Variants in UGCG observed in about 807,000 individuals in gnomAD.
UGCG encodes the protein UDP-glucose ceramide glucosyltransferase.
Under a neutral mutation model 49.5 loss-of-function variants are expected in UGCG, and 10 were observed. That is an observed-to-expected ratio of 0.20 (90% CI 0.12 to 0.34). The LOEUF is 0.34. Among genes scored for constraint, UGCG ranks in the 10% least tolerant of loss-of-function variants. The pLI is 1.00. For missense variants in UGCG, 312 were observed against 483.7 expected (o/e 0.65, Z 3.33); for synonymous variants, 182 against 158.2 (o/e 1.15, Z -1.13).
At chr9:111,928,034 AATGTT>A (rs113587783) in intron 5 of UGCG, among the ~76,000 whole-genome samples, 18,876 of 152,034 alleles carry the variant, frequency 0.12, 1,223 homozygotes, top group South Asian at 0.17. Context: ...AATTTGTTGT[AATGTT>A]ATAAGGACAG....
rs779327849 is a variant in UGCG at position 111,897,170 on chromosome 9, C to G, written c.-46C>G. ...GTCCTCCTCCTGCGGGAGCGTTGTC[C>G]GTGTTGGCGGCCGCAGCGGGCCGGG... On this transcript the variant is annotated 5_prime_UTR_variant, in exon 1 of 9. Transcript: ENST00000374279. 2.6e-6 allele frequency: 4 copies of G among 1,510,536 alleles called. No individual in the cohort carries two copies. The highest frequency in any genetic ancestry group is 2.7e-6 in the Non-Finnish European group (3 of 1,124,194). 93.6% of individuals were successfully genotyped at this position (1,510,536 alleles called of 1,614,324 possible).
chr9:111,918,912 G>A lies in UGCG; in HGVS notation c.241-3937G>A, dbSNP rs530637500. 2.2e-5 allele frequency among the ~76,000 whole-genome samples: 3 copies of A among 135,798 alleles called. No homozygotes were observed. The East Asian group carries it at 6.4e-4, about 29-fold the overall frequency. 89.1% of individuals were successfully genotyped at this position (135,798 alleles called of 152,430 possible). On this transcript the variant is annotated intron_variant, in intron 2 of 8. Transcript: ENST00000374279. ...AGCACTCCCGCCTGGGCGACAGAACGAGACTCCGTCTCAAAAAAAAAAAAC... is the reference window on the plus strand; with the variant it reads ...AGCACTCCCGCCTGGGCGACAGAACAAGACTCCGTCTCAAAAAAAAAAAAC...
At chr9:111,897,453 T>G in intron 1 of UGCG, 140 bp downstream of exon 1, 26 of 640,552 alleles carry the variant, frequency 4.1e-5, no homozygotes, top group East Asian at 6.5e-5. Flanking sequence ...GTTCCCCCCG[T>G]TCCCTCGCCC....
intron 1 of UGCG, among the ~76,000 whole-genome samples, chr9:111,902,519 T>A (rs994059145): frequency 6.6e-6 from 1 of 152,216 alleles, no homozygotes; most frequent in African/African-American, 2.4e-5. Flanking sequence ...ATAACAAAGG[T>A]CATTAGTCAC....
rs188652818 is a variant in UGCG, at chr9:111,900,359, G to A, written c.98+3046G>A. Among the ~76,000 whole-genome samples the A allele has an allele frequency of 4.6e-4, 70 of 152,096 alleles. 1 individual carries two copies. Among genetic ancestry groups the A allele is most frequent in the South Asian group, 2.3e-3 (11 of 4,822 alleles). ...CATAAGGTCCTAATGTTTATCATCA[G>A]GCTTTATCTTTCGACTGGAGGTGCT... On this transcript the variant is annotated intron_variant, in intron 1 of 8. Transcript: ENST00000374279.
intron 1 of UGCG, among the ~76,000 whole-genome samples, chr9:111,912,919 G>T (rs1012371789): frequency 3.9e-5 from 6 of 152,140 alleles, no homozygotes; most frequent in Non-Finnish European, 7.3e-5. Flanking sequence ...GTGTGCACGT[G>T]TGTGTAAAAC....
intron 2 of UGCG, among the ~76,000 whole-genome samples, chr9:111,922,058 C>T (rs1838231649): frequency 6.6e-6 from 1 of 151,616 alleles, no homozygotes; most frequent in Non-Finnish European, 1.5e-5. Flanking sequence ...AGCAGTCTTC[C>T]CACCTTGACC....
intron 1 of UGCG, among the ~76,000 whole-genome samples, chr9:111,902,782 C>CTT (rs532533671): frequency 0.11 from 15,718 of 145,894 alleles, 1,346 homozygotes; most frequent in African/African-American, 0.23. Context: ...GAAATTCTCT[C>CTT]TTTTTTTTTT....
At chr9:111,911,907 TA>T (rs1242312512) in intron 1 of UGCG, among the ~76,000 whole-genome samples, 1 of 3,710 alleles carries the variant, frequency 2.7e-4, no homozygotes, top group African/African-American at 5.7e-4. Flanking sequence ...TTCAACAGGA[TA>T]TATATATATA....
intron 1 of UGCG, among the ~76,000 whole-genome samples, chr9:111,903,180 C>A (rs1837811025): frequency 1.3e-5 from 2 of 152,122 alleles, no homozygotes; most frequent in Non-Finnish European, 2.9e-5. Context: ...CCTTGTTTAA[C>A]CTTTACCTGT....
At position 111,934,723 on chromosome 9, in the gene UGCG, C is replaced by CTTTTTTTTTTT. The variant is rs5899973; in HGVS notation, c.*1731_*1741dup. On this transcript the variant is annotated 3_prime_UTR_variant, in exon 9 of 9. Coordinates refer to ENST00000374279, the MANE Select transcript of UGCG (RefSeq NM_003358.3). ...CAAACTGCTTCATCCTTTTTTCTTT[C>CTTTTTTTTTTT]TTTTTTTTTTTTTTTAGCCTTATGA... 1.5e-5 allele frequency: 2 copies of CTTTTTTTTTTT among 133,592 alleles called. No individual in the cohort carries two copies. The highest frequency in any genetic ancestry group is 2.9e-5 in the African/African-American group (1 of 34,416). The allele number at this position is 133,592 out of a possible 1,614,324, so 8.3% of individuals were successfully genotyped here.
intron 2 of UGCG, among the ~76,000 whole-genome samples, chr9:111,918,213 T>C (rs1351791855): frequency 6.6e-6 from 1 of 152,138 alleles, no homozygotes; most frequent in Non-Finnish European, 1.5e-5. Context: ...GGCTAATTTT[T>C]ATATTTTTAG....
chr9:111,926,961 T>C (rs1353571385), intron 5 of UGCG, among the ~76,000 whole-genome samples: 3 of 135,938 alleles, frequency 2.2e-5, no homozygotes, highest in Non-Finnish European at 3.1e-5. Flanking sequence ...CAACCTCCAC[T>C]TCCCAGGTTC....
chr9:111,912,560 A>C (rs1838032024), intron 1 of UGCG, among the ~76,000 whole-genome samples: 1 of 152,010 alleles, frequency 6.6e-6, no homozygotes, highest in East Asian at 1.9e-4. Context: ...CCTGGGTCGC[A>C]GAGCAAAACT....
chr9:111,926,389 C>A lies in UGCG; in HGVS notation c.451C>A (p.Pro151Thr). ...GCCTTTTTTTTAAATTGTAGTAATT[C>A]CAGATACGCTTACTGACATGGTGAA... Reference protein sequence around the residue: ...WICDSGIRVIPDTLTDMVNQM... With the variant: ...WICDSGIRVITDTLTDMVNQM... The change falls in exon 5 of 9, where the codon CCA becomes ACA. Residue 151 changes from proline (P) to threonine (T), a missense_variant. By Grantham distance (38) the Pro-to-Thr change is conservative. Coordinates refer to ENST00000374279, the MANE Select transcript of UGCG (RefSeq NM_003358.3). 3 of 1,601,642 alleles carry A rather than the reference C, an allele frequency of 1.9e-6. No homozygotes were observed. The highest frequency in any genetic ancestry group is 1.7e-4 in the Middle Eastern group (1 of 6,014).
chr9:111,926,346 T>G, intron 4 of UGCG, 38 bp from the exon 5 acceptor site: 1 of 1,477,232 alleles, frequency 6.8e-7, no homozygotes, highest in African/African-American at 1.4e-5. Flanking sequence ...AAACAAATTT[T>G]CTTTTCTCCC....
rs968956939 is a variant in UGCG, at chr9:111,908,262, C to A, written c.99-6343C>A. Reference sequence around the variant, plus strand: ...AACTATCCTGTAACAAGAGTGAATACATGATAGCTAAATGTAACAACGCGG... The same window carrying A: ...AACTATCCTGTAACAAGAGTGAATAAATGATAGCTAAATGTAACAACGCGG... On this transcript the variant is annotated intron_variant, in intron 1 of 8. Transcript: ENST00000374279. Among the ~76,000 whole-genome samples, 4 of 152,168 alleles carry A rather than the reference C, an allele frequency of 2.6e-5. No individual in the cohort carries two copies. The East Asian group carries it at 7.7e-4, about 29-fold the overall frequency.
chr9:111,915,066 T>C (rs1437862979), intron 2 of UGCG: 1 of 202,092 alleles, frequency 4.9e-6, no homozygotes, highest in Admixed American at 5.3e-5. Context: ...ATATGAACAA[T>C]AGGAAGAGGA....
intron 1 of UGCG, among the ~76,000 whole-genome samples, chr9:111,902,717 G>T (rs766204095): frequency 9.9e-5 from 15 of 151,920 alleles, no homozygotes; most frequent in African/African-American, 1.5e-4. Flanking sequence ...GGGTTGTTAA[G>T]CAAGGTGAAC....
Sources: allele counts gnomAD v4.1 joint callset (sites outside exome capture counted in the v4.1 genomes callset), GRCh38; gene constraint gnomAD v4.1.1; transcripts MANE v1.5; gene names NCBI Gene and HGNC (gene_info 2026-07-23, HGNC 2026-07-21).